The following ARID1B variants were observed in gnomAD, a reference collection of about 807,000 sequenced individuals.
ARID1B encodes AT-rich interaction domain 1B.
In ARID1B, 30 loss-of-function variants were observed where a neutral mutation model predicts 212.3. The ratio of observed to expected loss-of-function variants is 0.14; its 90% CI spans 0.11 to 0.19. The LOEUF (loss-of-function observed/expected upper bound fraction) is 0.19, where lower values mean the gene tolerates loss of function less well. Ranked by LOEUF, ARID1B falls within the 10% of genes least tolerant of loss-of-function variation. The pLI is 1.00. For missense variants in ARID1B, 2,891 were observed against 3,204.0 expected (o/e 0.90, Z 2.36); for synonymous variants, 1,402 against 1,301.7 (o/e 1.08, Z -1.66).
chr6:157,147,971 C>CGTGCTT (rs1184623044), intron 7 of ARID1B, among the ~76,000 whole-genome samples: 13 of 140,720 alleles, frequency 9.2e-5, no homozygotes, highest in Non-Finnish European at 1.7e-4. Flanking sequence ...TGCCGTGTGC[C>CGTGCTT]GTGCTTGTGC....
intron 13 of ARID1B, chr6:157,185,010 T>C (rs1792876349): frequency 6.3e-6 from 1 of 158,960 alleles, no homozygotes; most frequent in African/African-American, 2.4e-5. Context: ...GGTGGTCTTT[T>C]GCAGCCTTGT....
intron 8 of ARID1B, among the ~76,000 whole-genome samples, chr6:157,156,332 T>G (rs1342281875): frequency 6.6e-6 from 1 of 152,256 alleles, no homozygotes; most frequent in Non-Finnish European, 1.5e-5. Context: ...TGTAAGCCTT[T>G]GCATTATCAT....
Position 156,845,765 on chromosome 6 carries a change from G to A in ARID1B, c.1986+16344G>A, listed in dbSNP as rs190482938. On this transcript the variant is annotated intron_variant, in intron 2 of 19. Coordinates refer to ENST00000636930, the MANE Select transcript of ARID1B (RefSeq NM_001374828.1). ...GGTGCTATTTTTTTCTTCGTTAGGGGAGGGTATTATTCCTTTGATAATTAC... is the reference window on the plus strand; with the variant it reads ...GGTGCTATTTTTTTCTTCGTTAGGGAAGGGTATTATTCCTTTGATAATTAC... 7.2e-5 allele frequency among the ~76,000 whole-genome samples: 11 copies of A among 152,154 alleles called. No individual in the cohort carries two copies. The East Asian group carries it at 2.1e-3, about 29-fold the overall frequency.
chr6:156,789,501 G>A (rs1010491229), intron 1 of ARID1B, among the ~76,000 whole-genome samples: 1 of 152,196 alleles, frequency 6.6e-6, no homozygotes, highest in Non-Finnish European at 1.5e-5. Context: ...CAGGAATTAA[G>A]GACAAGTAAA....
chr6:157,161,431 G>GTATATGTATATATATA (rs1790930944), intron 8 of ARID1B, among the ~76,000 whole-genome samples: 1 of 139,380 alleles, frequency 7.2e-6, no homozygotes, highest in African/African-American at 2.8e-5. Context: ...TTGTGTGTGT[G>GTATATGTATATATATA]TATATATATA....
chr6:156,923,843 G>T (rs1279808099), intron 3 of ARID1B, among the ~76,000 whole-genome samples: 1 of 151,952 alleles, frequency 6.6e-6, no homozygotes, highest in Non-Finnish European at 1.5e-5. Flanking sequence ...AAGTAGCTGG[G>T]GTTACAGGTG....
chr6:156,778,566 C>A lies in ARID1B; in HGVS notation c.886C>A (p.Pro296Thr). The A allele has an allele frequency of 8.1e-7, 1 of 1,238,728 alleles. No homozygotes were observed. Among genetic ancestry groups the A allele is most frequent in the Non-Finnish European group, 1.0e-6 (1 of 993,642 alleles). The allele number at this position is 1,238,728 out of a possible 1,614,324, so 76.7% of individuals were successfully genotyped here. A position where few individuals can be genotyped will look rare whatever the true frequency, so the allele number is the denominator to read the frequency against. ...CTTGGGCGCCCTGGGCACGCAGCAG[C>A]CGCCGGTCGCCGTGCCCGGGGGCGG... ...PGLGALGTQQ[P>T]PVAVPGGGGG... Residue 296 changes from proline to threonine, a missense_variant, in exon 1 of 20, where the codon CCG (proline) becomes ACG (threonine). Pro to Thr is a conservative substitution (Grantham distance 38). Transcript: ENST00000636930.
intron 4 of ARID1B, among the ~76,000 whole-genome samples, chr6:156,997,874 A>G (rs906300071): frequency 1.2e-4 from 18 of 152,232 alleles, no homozygotes; most frequent in African/African-American, 4.3e-4. Flanking sequence ...ATAAACTATA[A>G]GCATAAAGAC....
In ARID1B at chr6:156,779,861, G is replaced by A. The variant is rs115490262; in HGVS notation, c.1791+390G>A. The stretch of plus-strand genomic sequence containing the variant: ...ATAGGCTCTCCCGGCCAGGACGGCT[G>A]GGGCGAAGAGCCACCCGATCGGTTC... On this transcript the variant is annotated intron_variant, in intron 1 of 19. Coordinates refer to ENST00000636930, the MANE Select transcript of ARID1B (RefSeq NM_001374828.1). 8.1e-3 allele frequency: 1,257 copies of A among 154,440 alleles called. 18 individuals are homozygous for A. The highest frequency in any genetic ancestry group is 0.028 in the African/African-American group (1,154 of 41,640). The allele number at this position is 154,440 out of a possible 1,614,324, so 9.6% of individuals were successfully genotyped here.
At chr6:156,838,188 A>G (rs960724339) in intron 2 of ARID1B, among the ~76,000 whole-genome samples, 1 of 152,088 alleles carries the variant, frequency 6.6e-6, no homozygotes, top group African/African-American at 2.4e-5. Context: ...TTGGCTCTTC[A>G]GGGTTAGTCA....
At chr6:156,838,020 A>G (rs78275357) in intron 2 of ARID1B, among the ~76,000 whole-genome samples, 111 of 152,346 alleles carry the variant, frequency 7.3e-4, no homozygotes, top group East Asian at 4.2e-3. Flanking sequence ...CAGCTTCCCA[A>G]TTCTTATGGA....
intron 4 of ARID1B, among the ~76,000 whole-genome samples, chr6:156,997,843 G>A (rs1778686458): frequency 6.6e-6 from 1 of 152,018 alleles, no homozygotes; most frequent in Non-Finnish European, 1.5e-5. Flanking sequence ...AAGATTTACT[G>A]GAAGACTGCA....
chr6:156,959,945 T>C (rs1222696273), intron 4 of ARID1B, among the ~76,000 whole-genome samples: 20 of 148,576 alleles, frequency 1.3e-4, no homozygotes, highest in Admixed American at 8.7e-4. Context: ...TTTTTTTTTT[T>C]CTCGAGACAG....
intron 5 of ARID1B, among the ~76,000 whole-genome samples, chr6:157,098,369 G>C (rs1785800763): frequency 6.6e-6 from 1 of 152,118 alleles, no homozygotes. Context: ...GGAAGGCCGG[G>C]CTAGCGATGC....
At chr6:157,178,716 A>C (rs1188148825) in intron 11 of ARID1B, among the ~76,000 whole-genome samples, 1 of 145,130 alleles carries the variant, frequency 6.9e-6, no homozygotes, top group Admixed American at 6.7e-5. Flanking sequence ...GCACAAGTTA[A>C]TTAAACTTAA....
At chr6:157,132,739 G>A (rs1014391723) in intron 6 of ARID1B, among the ~76,000 whole-genome samples, 2 of 152,172 alleles carry the variant, frequency 1.3e-5, no homozygotes, top group African/African-American at 4.8e-5. Context: ...CTGCAAGAGA[G>A]GTTAAGGTCA....
intron 4 of ARID1B, among the ~76,000 whole-genome samples, chr6:156,993,098 A>T (rs1446519030): frequency 1.3e-5 from 2 of 150,420 alleles, no homozygotes; most frequent in Non-Finnish European, 2.9e-5. Context: ...GCTGGAGTAC[A>T]GTGGCATGAT....
At position 157,059,160 on chromosome 6, in the gene ARID1B, T is replaced by A. The variant is rs1486512648; in HGVS notation, c.2248-25502T>A. Among the ~76,000 whole-genome samples, 5 of 152,098 alleles carry A rather than the reference T, an allele frequency of 3.3e-5. No individual in the cohort carries two copies. The East Asian group carries it at 9.6e-4, about 29-fold the overall frequency. Reference sequence around the variant, plus strand: ...ATTTAAGAGACGATATATTGATTAGTTGTGTATCTTTAGAATCAAATGAGA... The same window carrying A: ...ATTTAAGAGACGATATATTGATTAGATGTGTATCTTTAGAATCAAATGAGA... On this transcript the variant is annotated intron_variant, in intron 4 of 19. Coordinates refer to ENST00000636930, the MANE Select transcript of ARID1B (RefSeq NM_001374828.1).
chr6:156,780,285 A>C (rs768890050), intron 1 of ARID1B: 24 of 152,204 alleles, frequency 1.6e-4, no homozygotes, highest in Non-Finnish European at 2.8e-4. Context: ...TTAGGCATGC[A>C]TTTTATTCAG....
Sources: gnomAD v4.1 joint callset for allele counts (sites outside exome capture counted in the v4.1 genomes callset) on GRCh38, gnomAD v4.1.1 for gene constraint, MANE v1.5 for transcripts, NCBI Gene and HGNC (gene_info 2026-07-23, HGNC 2026-07-21) for gene names.